ANO2: variants seen among roughly 807,000 people sequenced by gnomAD.
ANO2 encodes anoctamin 2.
Under a neutral mutation model 124.2 loss-of-function variants are expected in ANO2, and 101 were observed. The observed-to-expected ratio is 0.81, with a 90% CI of 0.69 to 0.96. The LOEUF (loss-of-function observed/expected upper bound fraction) is 0.96, where lower values mean the gene tolerates loss of function less well. Ranked by LOEUF, ANO2 falls within the 40% of genes least tolerant of loss-of-function variation. The pLI, the probability that ANO2 is intolerant of heterozygous loss-of-function variation, is 0.00. For synonymous variants in ANO2, 486 were observed against 482.5 expected, an observed-to-expected ratio of 1.01 and a Z score of -0.09; for missense variants, 1,293 against 1,274.5, an observed-to-expected ratio of 1.01 and a Z score of -0.22.
At chr12:5,678,258 C>T (rs2192187) in intron 14 of ANO2, among the ~76,000 whole-genome samples, 76,371 of 151,938 alleles carry the variant, frequency 0.5, 21,167 homozygotes, top group Middle Eastern at 0.62. Flanking sequence ...GGGCTGCATA[C>T]GCTTGATGGC....
At chr12:5,763,604 T>C (rs368107689) in intron 10 of ANO2, among the ~76,000 whole-genome samples, 2 of 152,072 alleles carry the variant, frequency 1.3e-5, no homozygotes, top group Non-Finnish European at 2.9e-5. Flanking sequence ...AAATAACCTA[T>C]GGATCAAAGA....
chr12:5,887,283 C>T (rs1198450770), intron 3 of ANO2, among the ~76,000 whole-genome samples: 1 of 152,048 alleles, frequency 6.6e-6, no homozygotes. Context: ...GATGGGTTCA[C>T]TGAAATATAG....
chr12:5,794,313 G>A (rs943973076), intron 10 of ANO2, among the ~76,000 whole-genome samples: 2 of 151,946 alleles, frequency 1.3e-5, no homozygotes, highest in East Asian at 1.9e-4. Context: ...CTGCTAATTC[G>A]TGGGGCAGAG....
chr12:5,749,057 A>G (rs1951361328), intron 11 of ANO2, among the ~76,000 whole-genome samples: 3 of 152,158 alleles, frequency 2.0e-5, no homozygotes, highest in African/African-American at 7.2e-5. Flanking sequence ...GTTTTATTCT[A>G]GATATTGACA....
intron 16 of ANO2, among the ~76,000 whole-genome samples, chr12:5,627,706 C>T (rs1311851545): frequency 6.6e-6 from 1 of 152,224 alleles, no homozygotes; most frequent in Admixed American, 6.5e-5. Flanking sequence ...TTCCCCCATC[C>T]TTTTCCTTTC....
intron 14 of ANO2, among the ~76,000 whole-genome samples, chr12:5,665,012 A>G (rs1355853939): frequency 6.6e-6 from 1 of 152,074 alleles, no homozygotes; most frequent in Non-Finnish European, 1.5e-5. Context: ...TCCCTAAGCA[A>G]GGTCTTTTTT....
intron 14 of ANO2, among the ~76,000 whole-genome samples, chr12:5,697,562 C>G (rs1461746441): frequency 2.0e-5 from 3 of 152,240 alleles, no homozygotes; most frequent in East Asian, 3.9e-4. Context: ...GCATTTCCAA[C>G]TGAGGTACCG....
intron 1 of ANO2, among the ~76,000 whole-genome samples, chr12:5,944,847 G>T (rs181191005): frequency 3.0e-4 from 45 of 152,226 alleles, no homozygotes; most frequent in African/African-American, 1.1e-3. Flanking sequence ...AGATGCTGTA[G>T]GCTAAACGTC....
intron 14 of ANO2, among the ~76,000 whole-genome samples, chr12:5,661,265 T>A (rs1369394601): frequency 6.6e-6 from 1 of 152,218 alleles, no homozygotes; most frequent in East Asian, 1.9e-4. Flanking sequence ...GCAGCTTAAT[T>A]TGGGTCCTTT....
chr12:5,906,128 T>C (rs1216366620), intron 3 of ANO2, among the ~76,000 whole-genome samples: 1 of 152,024 alleles, frequency 6.6e-6, no homozygotes, highest in Non-Finnish European at 1.5e-5. Flanking sequence ...GGATAGGAGC[T>C]GACACACAGA....
Position 5,769,979 on chromosome 12 carries a change from G to A in ANO2, c.1056-19009C>T, listed in dbSNP as rs1052907953. Among the ~76,000 whole-genome samples, 4 of 152,174 alleles carry A rather than the reference G, an allele frequency of 2.6e-5. No individual in the cohort carries two copies. The highest frequency in any genetic ancestry group is 4.8e-5 in the African/African-American group (2 of 41,440). On this transcript the variant is annotated intron_variant, in intron 10 of 24. Coordinates refer to ENST00000682330, the MANE Select transcript of ANO2 (RefSeq NM_001364791.2). This position sits in a 1 kb window ranked among gnomAD's most constrained non-coding sequence, Gnocchi z 4.0. ...AATTCACAAGCCTGTGTGGCAGCCC[G>A]AGAAGGAGAGATACTGTCTACATTT... is the stretch of plus-strand genomic sequence containing the variant.
chr12:5,808,298 C>T (rs931530827), intron 7 of ANO2, among the ~76,000 whole-genome samples: 1 of 152,218 alleles, frequency 6.6e-6, no homozygotes, highest in Non-Finnish European at 1.5e-5. Flanking sequence ...CTCTGTCCCT[C>T]CAACTCCATT....
intron 14 of ANO2, among the ~76,000 whole-genome samples, chr12:5,660,323 A>G (rs1269161276): frequency 6.6e-6 from 1 of 151,114 alleles, no homozygotes; most frequent in Non-Finnish European, 1.5e-5. Context: ...TGTGGCCTCC[A>G]ATGCTTACCA....
chr12:5,852,237 C>A (rs1198006585), intron 4 of ANO2, among the ~76,000 whole-genome samples: 1 of 152,106 alleles, frequency 6.6e-6, no homozygotes, highest in Non-Finnish European at 1.5e-5. Context: ...ACAAAGATGG[C>A]ACCCGCATTT....
intron 3 of ANO2, among the ~76,000 whole-genome samples, chr12:5,883,351 A>T (rs1334021343): frequency 2.0e-5 from 3 of 152,034 alleles, no homozygotes; most frequent in African/African-American, 7.3e-5. Context: ...TAAATACACA[A>T]CCACTCTGTA....
chr12:5,888,415 G>A (rs553845217), intron 3 of ANO2, among the ~76,000 whole-genome samples: 36 of 152,238 alleles, frequency 2.4e-4, no homozygotes, highest in African/African-American at 6.3e-4. Context: ...GATTGCCACC[G>A]CTGGCTCCAG....
intron 13 of ANO2, among the ~76,000 whole-genome samples, chr12:5,734,951 T>C (rs2137070713): frequency 6.6e-6 from 1 of 152,194 alleles, no homozygotes; most frequent in Middle Eastern, 3.4e-3. Flanking sequence ...CACCCGGCCA[T>C]AACCCTTAAC....
At chr12:5,887,826 C>CG (rs772777702) in intron 3 of ANO2, among the ~76,000 whole-genome samples, 1 of 151,480 alleles carries the variant, frequency 6.6e-6, no homozygotes, top group Non-Finnish European at 1.5e-5. Context: ...ACATGCCCCC[C>CG]GGTTTTTTTT....
intron 10 of ANO2, among the ~76,000 whole-genome samples, chr12:5,779,216 A>G (rs1159606817): frequency 3.3e-5 from 5 of 152,240 alleles, no homozygotes; most frequent in Admixed American, 3.3e-4. Context: ...ACACTCAGTA[A>G]GACTTTTTTC....
Sources: allele counts gnomAD v4.1 joint callset (sites outside exome capture counted in the v4.1 genomes callset), GRCh38; gene constraint gnomAD v4.1.1; non-coding constraint Gnocchi (gnomAD v3.1); transcripts MANE v1.5; gene names NCBI Gene and HGNC (gene_info 2026-07-23, HGNC 2026-07-21).